Variants in LRP2 observed in about 807,000 individuals in gnomAD.
LRP2 encodes LDL receptor related protein 2.
A neutral mutation model predicts 531.0 loss-of-function variants in LRP2; 172 were observed. The observed-to-expected ratio is 0.32, with a 90% CI of 0.29 to 0.37. The LOEUF is 0.37. Among genes scored for constraint, LRP2 ranks in the 10% least tolerant of loss-of-function variants. The probability of loss-of-function intolerance (pLI) is 1.00; values close to 1 mark genes in which losing one functional copy is unlikely to be tolerated. For synonymous variants in LRP2, 1,992 were observed against 2,027.6 expected, an observed-to-expected ratio of 0.98 and a Z score of 0.47; for missense variants, 5,167 against 5,868.3, an observed-to-expected ratio of 0.88 and a Z score of 3.90.
chr2:169,205,460 A>T lies in LRP2; in HGVS notation c.7715+19T>A. ...AAAACCTCTTCTTAACACCCACATGAGTAACCAGAGACACCTACAGACTAG... is the reference window on the plus strand; with the variant it reads ...AAAACCTCTTCTTAACACCCACATGTGTAACCAGAGACACCTACAGACTAG... On this transcript the variant is annotated intron_variant, in intron 41 of 78. Transcript: ENST00000649046. The T allele has an allele frequency of 1.9e-6, 3 of 1,613,974 alleles. No homozygotes were observed. Among genetic ancestry groups the T allele is most frequent in the Non-Finnish European group, 2.5e-6 (3 of 1,179,870 alleles).
Position 169,324,582 on chromosome 2 carries a change from A to G in LRP2, c.80-3698T>C, listed in dbSNP as rs1684994294. ...AATCGGTAGTAAAATTTTATTAGAC[A>G]TAGGAATAAACTTGTTTTCCAACCT... On this transcript the variant is annotated intron_variant, in intron 1 of 78. Transcript: ENST00000649046. Among the ~76,000 whole-genome samples, 3 of 152,216 alleles carry G rather than the reference A, an allele frequency of 2.0e-5. No individual in the cohort carries two copies. In the South Asian group the frequency reaches 6.2e-4, roughly 32 times the overall value.
chr2:169,173,028 T>C, intron 57 of LRP2, 68 bp downstream of exon 57: 1 of 1,588,068 alleles, frequency 6.3e-7, no homozygotes, highest in Non-Finnish European at 8.6e-7. Flanking sequence ...TCATCTCTCA[T>C]CTAATAAATG....
intron 4 of LRP2, among the ~76,000 whole-genome samples, chr2:169,295,501 C>T (rs575871176): frequency 6.6e-6 from 1 of 152,304 alleles, no homozygotes; most frequent in East Asian, 1.9e-4. Flanking sequence ...CTATCTGTCC[C>T]TCCTCTCTAC....
At chr2:169,225,843 A>G (rs576594937) in intron 32 of LRP2, among the ~76,000 whole-genome samples, 1 of 152,180 alleles carries the variant, frequency 6.6e-6, no homozygotes, top group African/African-American at 2.4e-5. Flanking sequence ...CTCTTTCCCT[A>G]TTCTTACAGG....
rs752579861 is a variant in LRP2 at position 169,213,637 on chromosome 2, T to C, written c.6040+20A>G. 6.4e-5 allele frequency: 101 copies of C among 1,588,786 alleles called. No homozygotes were observed. Among genetic ancestry groups the C allele is most frequent in the Admixed American group, 1.5e-4 (9 of 59,952 alleles). ...TATGCATTATACACCCATGAATGTA[T>C]TTCAGTGACAAATACTTACTGCGTC... On this transcript the variant is annotated intron_variant, in intron 36 of 78. Coordinates refer to ENST00000649046, the MANE Select transcript of LRP2 (RefSeq NM_004525.3).
At chr2:169,305,218 C>T (rs1258530153) in intron 4 of LRP2, among the ~76,000 whole-genome samples, 1 of 152,104 alleles carries the variant, frequency 6.6e-6, no homozygotes, top group South Asian at 2.1e-4. Context: ...GGAGAAAGCA[C>T]TGGAGAAGGG....
At chr2:169,322,099 C>T (rs1684923386) in intron 1 of LRP2, among the ~76,000 whole-genome samples, 1 of 152,024 alleles carries the variant, frequency 6.6e-6, no homozygotes, top group Non-Finnish European at 1.5e-5. Flanking sequence ...TATATCTTCC[C>T]CATGTATTTA....
chr2:169,244,977 C>A lies in LRP2; in HGVS notation c.3191-45G>T, dbSNP rs532739697. On this transcript the variant is annotated intron_variant, in intron 21 of 78. Coordinates refer to ENST00000649046, the MANE Select transcript of LRP2 (RefSeq NM_004525.3). ...GTCATGAAGACATTTGTTTTTACAG[C>A]CTTTTAAATGAGTTCTTGCCTTATA... The A allele has an allele frequency of 3.1e-6, 5 of 1,612,276 alleles. No homozygotes were observed. In the African/African-American group the frequency reaches 5.3e-5, roughly 17 times the overall value.
intron 63 of LRP2, among the ~76,000 whole-genome samples, chr2:169,158,059 T>TACACACAC (rs765403252): frequency 1.2e-3 from 100 of 82,570 alleles, no homozygotes; most frequent in East Asian, 8.8e-3. Context: ...CAATTGATTA[T>TACACACAC]ATACACACAC....
chr2:169,324,752 A>G (rs1685000347), intron 1 of LRP2, among the ~76,000 whole-genome samples: 1 of 152,182 alleles, frequency 6.6e-6, no homozygotes. Flanking sequence ...CGCCCAGAGA[A>G]GAGGAGTCAT....
chr2:169,128,457 T>C lies in LRP2; in HGVS notation c.*206A>G. ...CCTTCAGACAACTTCAGTGCAAAGA[T>C]ATACATATAGTACATTGTGATAATT... is the stretch of plus-strand genomic sequence containing the variant. On this transcript the variant is annotated 3_prime_UTR_variant, in exon 79 of 79. Coordinates refer to ENST00000649046, the MANE Select transcript of LRP2 (RefSeq NM_004525.3). 1 of 542,450 alleles carries C rather than the reference T, an allele frequency of 1.8e-6. No homozygotes were observed. The allele number at this position is 542,450 out of a possible 1,614,324, so 33.6% of individuals were successfully genotyped here.
At chr2:169,342,436 C>T (rs1685588332) in intron 1 of LRP2, among the ~76,000 whole-genome samples, 1 of 152,164 alleles carries the variant, frequency 6.6e-6, no homozygotes, top group Admixed American at 6.6e-5. Context: ...CAGATAATCC[C>T]AGTAATCCTC....
rs1574252778 is a variant in LRP2 at position 169,318,992 on chromosome 2, T to C, written c.188-108A>G. On this transcript the variant is annotated intron_variant, in intron 2 of 78. Coordinates refer to ENST00000649046, the MANE Select transcript of LRP2 (RefSeq NM_004525.3). ...ATCATGTAAACTCCTGCTCAATTTA[T>C]TTGAAGGCAAATAGTAAACAACCCT... 4.3e-5 allele frequency: 60 copies of C among 1,397,318 alleles called. 1 individual carries two copies. In the South Asian group the frequency reaches 6.8e-4, roughly 16 times the overall value. 86.6% of individuals were successfully genotyped at this position (1,397,318 alleles called of 1,614,324 possible). A position where few individuals can be genotyped will look rare whatever the true frequency, so the allele number is the denominator to read the frequency against.
chr2:169,347,588 G>GA (rs141749952), intron 1 of LRP2, among the ~76,000 whole-genome samples: 12,364 of 141,624 alleles, frequency 0.087, 1,065 homozygotes, highest in African/African-American at 0.22. Flanking sequence ...ATTATAGAGG[G>GA]AAAAAAAAAA....
Position 169,193,822 on chromosome 2 carries a change from C to T in LRP2, c.8769G>A (p.Trp2923Ter), listed in dbSNP as rs2105314219. Reference protein sequence around the residue: ...CDGGRCIPSEWICDGDNDCGD... With the variant: ...CDGGRCIPSE ...CACAGTCATTATCACCGTCACAGAT[C>T]CATTCGCTTGGGATGCACCTCCCAC... Residue 2923 changes from tryptophan to a stop codon, truncating the protein, a stop_gained, in exon 47 of 79, where the codon TGG becomes TGA. Coordinates refer to ENST00000649046, the MANE Select transcript of LRP2 (RefSeq NM_004525.3). LOFTEE classifies it high-confidence loss of function. 1 of 1,614,170 alleles carries T rather than the reference C, an allele frequency of 6.2e-7. No homozygotes were observed. Among genetic ancestry groups the T allele is most frequent in the South Asian group, 1.1e-5 (1 of 91,082 alleles).
chr2:169,311,018 G>A (rs1684582229), intron 3 of LRP2, among the ~76,000 whole-genome samples: 1 of 152,164 alleles, frequency 6.6e-6, no homozygotes, highest in African/African-American at 2.4e-5. Context: ...TCTGATGGTA[G>A]TTTGTATTTC....
intron 1 of LRP2, among the ~76,000 whole-genome samples, chr2:169,357,094 C>T (rs116641470): frequency 0.013 from 1,982 of 152,032 alleles, 38 homozygotes; most frequent in African/African-American, 0.045. Context: ...TAATAGGATA[C>T]GATAGAACCA....
chr2:169,133,796 A>T (rs193261669), intron 76 of LRP2, among the ~76,000 whole-genome samples: 1 of 152,114 alleles, frequency 6.6e-6, no homozygotes, highest in South Asian at 2.1e-4. Flanking sequence ...AATCTCAAAC[A>T]TGCTTTCTTT....
At chr2:169,157,961 A>T (rs1374866328) in intron 63 of LRP2, among the ~76,000 whole-genome samples, 1 of 101,202 alleles carries the variant, frequency 9.9e-6, no homozygotes, top group Non-Finnish European at 2.3e-5. Context: ...AATAAATAAA[A>T]GACATGGATA....
Sources: allele counts gnomAD v4.1 joint callset (sites outside exome capture counted in the v4.1 genomes callset), GRCh38; gene constraint gnomAD v4.1.1; transcripts MANE v1.5; gene names NCBI Gene and HGNC (gene_info 2026-07-23, HGNC 2026-07-21).